PARP6: variants seen among roughly 807,000 people sequenced by gnomAD.
The protein encoded by PARP6 is poly(ADP-ribose) polymerase family member 6, also known as protein mono-ADP-ribosyltransferase PARP6.
In PARP6, 27 loss-of-function variants were observed where a neutral mutation model predicts 92.0. That is an observed-to-expected ratio of 0.29 (90% CI 0.22 to 0.40). The LOEUF is 0.40. Ranked by LOEUF, PARP6 falls within the 10% of genes least tolerant of loss-of-function variation. The pLI, the probability that PARP6 is intolerant of heterozygous loss-of-function variation, is 1.00. For synonymous variants in PARP6, 272 were observed against 281.2 expected (o/e 0.97, Z 0.33); for missense variants, 501 against 784.5 (o/e 0.64, Z 4.32).
chr15:72,267,007 T>C (rs1324105776), intron 3 of PARP6, 185 bp from the exon 4 acceptor site: 27 of 581,918 alleles, frequency 4.6e-5, no homozygotes, highest in Non-Finnish European at 5.2e-5. Flanking sequence ...CCTGATATGA[T>C]CATATCCATA....
intron 8 of PARP6, 30 bp from the exon 9 acceptor site, chr15:72,261,737 A>G: frequency 1.2e-6 from 2 of 1,610,560 alleles, no homozygotes; most frequent in Non-Finnish European, 1.7e-6. Flanking sequence ...GAGCTTAGGC[A>G]AGATGAGGCA....
intron 7 of PARP6, 131 bp from the exon 8 acceptor site, chr15:72,264,752 G>GA (rs1439517652): frequency 3.2e-5 from 22 of 676,980 alleles, no homozygotes; most frequent in Non-Finnish European, 3.8e-5. Context: ...AACGGTGGAA[G>GA]AAAAAAAACA....
chr15:72,253,692 G>A (rs978721816), intron 15 of PARP6, 188 bp from the exon 16 acceptor site: 2 of 692,240 alleles, frequency 2.9e-6, no homozygotes, highest in Non-Finnish European at 5.3e-6. Context: ...AAATAAATAT[G>A]AAAATGACTG....
At position 72,249,329 on chromosome 15, in the gene PARP6, C is replaced by G. The variant is rs1349523119; in HGVS notation, c.1492-15G>C. 6.5e-6 allele frequency: 10 copies of G among 1,539,622 alleles called. No homozygotes were observed. The Admixed American group carries it at 8.5e-5, about 13-fold the overall frequency. ...GCTCCATGCAGCTTGCAGGGAAACA[C>G]CAGGATGAGTAATATGAGCCTGGGC... On this transcript the variant is annotated splice_polypyrimidine_tract_variant and intron_variant, in intron 19 of 23. Transcript: ENST00000569795.
intron 2 of PARP6, 74 bp downstream of exon 2, chr15:72,270,949 A>T (rs1201579824): frequency 6.6e-6 from 1 of 152,250 alleles, no homozygotes; most frequent in East Asian, 1.9e-4. Context: ...TGGGAGATAT[A>T]TACAATAACC....
rs768943325 is a variant in PARP6, at chr15:72,260,537, C to A, written c.697G>T (p.Ala233Ser). The A allele has an allele frequency of 1.2e-6, 2 of 1,614,150 alleles. No homozygotes were observed. The highest frequency in any genetic ancestry group is 8.5e-7 in the Non-Finnish European group (1 of 1,180,020). The part of the protein sequence containing the change: ...EVFGYPPSPQ[A>S]GLLCPQHVGL... ...ACGTGCTGAGGGCACAGGAGACCTGCCTGGGGGCTGGGAGGGTAGCCAAAC... is the reference window on the plus strand; with the variant it reads ...ACGTGCTGAGGGCACAGGAGACCTGACTGGGGGCTGGGAGGGTAGCCAAAC... The change falls in exon 10 of 24, where the codon GCA becomes TCA. Residue 233 changes from alanine to serine, a missense_variant. Transcript: ENST00000569795.
intron 16 of PARP6, among the ~76,000 whole-genome samples, chr15:72,251,523 GAGT>G (rs2084354103): frequency 6.6e-6 from 1 of 151,620 alleles, no homozygotes; most frequent in African/African-American, 2.4e-5. Flanking sequence ...GGGGTGGGAG[GAGT>G]GCTGCTACAA....
In PARP6 at chr15:72,265,405, C is replaced by A. The variant is rs1451774309; in HGVS notation, c.237+8G>T. Reference sequence around the variant, plus strand: ...GACATGTTGTTGGCAGGTACTAGCCCCACTTACATCGAGGAAGCTGATGTT... The same window carrying A: ...GACATGTTGTTGGCAGGTACTAGCCACACTTACATCGAGGAAGCTGATGTT... On this transcript the variant is annotated splice_region_variant and intron_variant, in intron 6 of 23. Coordinates refer to ENST00000569795, the MANE Select transcript of PARP6 (RefSeq NM_001323532.2). 1.9e-6 allele frequency: 3 copies of A among 1,611,338 alleles called. No individual in the cohort carries two copies. The highest frequency in any genetic ancestry group is 1.1e-5 in the South Asian group (1 of 91,036).
chr15:72,260,466 C>T lies in PARP6; in HGVS notation c.756+12G>A. 1 of 1,607,584 alleles carries T rather than the reference C, an allele frequency of 6.2e-7. No homozygotes were observed. The highest frequency in any genetic ancestry group is 2.2e-5 in the East Asian group (1 of 44,742). ...CCTGATAGCCAAGTCAAACCCTCCC[C>T]AGCCCATGTACCAAAGGAGAGGTCC... On this transcript the variant is annotated intron_variant, in intron 10 of 23. Transcript: ENST00000569795.
At chr15:72,253,349 AACC>A (rs2084630432) in intron 16 of PARP6, 85 bp downstream of exon 16, 5 of 1,044,108 alleles carry the variant, frequency 4.8e-6, no homozygotes, top group African/African-American at 4.7e-5. Context: ...AGGATGTTGA[AACC>A]ACCACTAAAA....
intron 15 of PARP6, 25 bp downstream of exon 15, chr15:72,254,430 A>G (rs769626453): frequency 1.9e-6 from 3 of 1,559,746 alleles, no homozygotes; most frequent in Non-Finnish European, 2.7e-6. Flanking sequence ...GGCAAAGGAG[A>G]GGGGACAGAG....
At position 72,242,195 on chromosome 15, in the gene PARP6, A is replaced by G; in HGVS notation, c.1667T>C (p.Leu556Pro). 1 of 1,614,184 alleles carries G rather than the reference A, an allele frequency of 6.2e-7. No individual in the cohort carries two copies. Among genetic ancestry groups the G allele is most frequent in the Non-Finnish European group, 8.5e-7 (1 of 1,180,006 alleles). The change falls in exon 22 of 24, where the codon CTG becomes CCG. Residue 556 changes from leucine (L) to proline (P), a missense_variant. Physicochemically the swap from Leu to Pro is moderately conservative, Grantham distance 98 (BLOSUM62 -3). Transcript: ENST00000569795. This position sits in a 1 kb window ranked among gnomAD's most constrained non-coding sequence, Gnocchi z 4.3. ...TATACAGTTTAGATTCCGACTCTGC[A>G]GGAACCGTGACTGAATGGATCGGGT... ...PQTRSIQSRF[L>P]QSRNLNCIAL...
Position 72,241,933 on chromosome 15 carries a change from C to G in PARP6, c.1758G>C (p.Val586=). 1 of 1,613,884 alleles carries G rather than the reference C, an allele frequency of 6.2e-7. No homozygotes were observed. Among genetic ancestry groups the G allele is most frequent in the Non-Finnish European group, 8.5e-7 (1 of 1,179,770 alleles). Residue 586 remains valine (V), a synonymous_variant, in exon 23 of 24, where the codon GTG becomes GTC. Transcript: ENST00000569795. This position sits in a 1 kb window ranked among gnomAD's most constrained non-coding sequence, Gnocchi z 4.1. Reference sequence around the variant, plus strand: ...AGAATCTTGTGCAGACATGGTCGGACACAGGGCACACCCAGATGTTCCCAT... The same window carrying G: ...AGAATCTTGTGCAGACATGGTCGGAGACAGGGCACACCCAGATGTTCCCAT... ...QKHGNIWVCP[V]SDHVCTRFFF... is the part of the protein sequence containing the mutation.
At position 72,267,498 on chromosome 15, in the gene PARP6, A is replaced by G; in HGVS notation, c.-21T>C. 1 of 1,613,716 alleles carries G rather than the reference A, an allele frequency of 6.2e-7. No individual in the cohort carries two copies. Among genetic ancestry groups the G allele is most frequent in the Non-Finnish European group, 8.5e-7 (1 of 1,179,812 alleles). On this transcript the variant is annotated 5_prime_UTR_variant, in exon 3 of 24. Transcript: ENST00000569795. Reference sequence around the variant, plus strand: ...ACCATTGGGTCAGTGGGTCACACACACTCTCAGGTCAGTGCTAGGCAGCAC... The same window carrying G: ...ACCATTGGGTCAGTGGGTCACACACGCTCTCAGGTCAGTGCTAGGCAGCAC...
chr15:72,250,597 A>G (rs911521936), intron 18 of PARP6: 2 of 489,228 alleles, frequency 4.1e-6, no homozygotes, highest in Non-Finnish European at 7.3e-6. Context: ...TCTCCAATCT[A>G]TTTCTTCAGC....
rs369519627 is a variant in PARP6 at position 72,266,731 on chromosome 15, A to G, written c.81+14T>C. ...GACCATCCAACACGGGGGTCTTGGG[A>G]GATGTAACCTCACCTGAACGCCATA... is the stretch of plus-strand genomic sequence containing the variant. On this transcript the variant is annotated intron_variant, in intron 4 of 23. Coordinates refer to ENST00000569795, the MANE Select transcript of PARP6 (RefSeq NM_001323532.2). 1 of 1,598,902 alleles carries G rather than the reference A, an allele frequency of 6.3e-7. No individual in the cohort carries two copies.
rs982966469 is a variant in PARP6 at position 72,267,486 on chromosome 15, T to C, written c.-9A>G. On this transcript the variant is annotated 5_prime_UTR_variant, in exon 3 of 24. Coordinates refer to ENST00000569795, the MANE Select transcript of PARP6 (RefSeq NM_001323532.2). ...CAGTCAGTTCTCACCATTGGGTCAGTGGGTCACACACACTCTCAGGTCAGT... is the reference window on the plus strand; with the variant it reads ...CAGTCAGTTCTCACCATTGGGTCAGCGGGTCACACACACTCTCAGGTCAGT... The C allele has an allele frequency of 1.9e-6, 3 of 1,613,782 alleles. No homozygotes were observed. The highest frequency in any genetic ancestry group is 1.3e-5 in the African/African-American group (1 of 74,888).
At chr15:72,251,365 T>G (rs2084328400) in intron 16 of PARP6, 110 bp from the exon 17 acceptor site, 1 of 647,304 alleles carries the variant, frequency 1.5e-6, no homozygotes, top group Non-Finnish European at 2.7e-6. Flanking sequence ...CAAGGATTCC[T>G]GGGCTGTCCA....
chr15:72,264,458 G>A (rs11072352), intron 8 of PARP6, 97 bp downstream of exon 8: 851,195 of 858,942 alleles, frequency 0.99, 422,111 homozygotes, highest in East Asian at 1. Context: ...TTTTGGAAGG[G>A]GGCATTCCAT....
Sources: gnomAD v4.1 joint callset for allele counts (sites outside exome capture counted in the v4.1 genomes callset) on GRCh38, gnomAD v4.1.1 for gene constraint, Gnocchi (gnomAD v3.1) non-coding constraint, MANE v1.5 for transcripts, NCBI Gene and HGNC (gene_info 2026-07-23, HGNC 2026-07-21) for gene names.